PPP6C: variants seen among roughly 807,000 people sequenced by gnomAD.
PPP6C encodes the protein protein phosphatase 6 catalytic subunit, also known as serine/threonine-protein phosphatase 6 catalytic subunit.
In PPP6C, 11 loss-of-function variants were observed where a neutral mutation model predicts 39.8. The ratio of observed to expected loss-of-function variants is 0.28; its 90% CI spans 0.17 to 0.46. The LOEUF (loss-of-function observed/expected upper bound fraction) is 0.46, where lower values mean the gene tolerates loss of function less well. PPP6C is among the 20% of genes least tolerant of loss of function. PPP6C has a pLI of 1.00. For synonymous variants in PPP6C, 129 were observed against 130.3 expected, an observed-to-expected ratio of 0.99 and a Z score of 0.07; for missense variants, 211 against 373.9, an observed-to-expected ratio of 0.56 and a Z score of 3.59.
chr9:125,158,226 A>C lies in PPP6C; in HGVS notation c.379+15T>G, dbSNP rs774299801. 2 of 1,587,302 alleles carry C rather than the reference A, an allele frequency of 1.3e-6. No individual in the cohort carries two copies. The highest frequency in any genetic ancestry group is 1.7e-6 in the Non-Finnish European group (2 of 1,159,766). Reference sequence around the variant, plus strand: ...GTAAAATAATATTCAGAATCAGAGAAATAGGAATTCTTACCATAAAATCCA... The same window carrying C: ...GTAAAATAATATTCAGAATCAGAGACATAGGAATTCTTACCATAAAATCCA... On this transcript the variant is annotated intron_variant, in intron 4 of 6. Transcript: ENST00000373547.
At chr9:125,172,747 AC>A (rs1217201914) in intron 1 of PPP6C, among the ~76,000 whole-genome samples, 38 of 144,312 alleles carry the variant, frequency 2.6e-4, no homozygotes, top group African/African-American at 1.1e-3. Context: ...ACACACACAC[AC>A]ACAAACACAC....
intron 2 of PPP6C, among the ~76,000 whole-genome samples, chr9:125,169,343 C>T (rs957369932): frequency 6.6e-6 from 1 of 152,188 alleles, no homozygotes; most frequent in Non-Finnish European, 1.5e-5. Flanking sequence ...AAGAACTGCA[C>T]ATTTGACTGA....
intron 6 of PPP6C, chr9:125,151,529 G>A: frequency 1.2e-6 from 1 of 804,654 alleles, no homozygotes; most frequent in South Asian, 1.4e-5. Flanking sequence ...CCTTGCAGAA[G>A]CCATCAGGAA....
chr9:125,183,435 A>G (rs1829459773), intron 1 of PPP6C, among the ~76,000 whole-genome samples: 1 of 152,228 alleles, frequency 6.6e-6, no homozygotes, highest in Non-Finnish European at 1.5e-5. Flanking sequence ...TATCCCTGTA[A>G]TAATTTTCTT....
At chr9:125,158,469 T>C in intron 3 of PPP6C, 87 bp from the exon 4 acceptor site, 1 of 1,307,110 alleles carries the variant, frequency 7.7e-7, no homozygotes, top group Non-Finnish European at 1.0e-6. Flanking sequence ...ACATATAGTT[T>C]ATAACTACAA....
chr9:125,179,582 C>T (rs1048645751), intron 1 of PPP6C, among the ~76,000 whole-genome samples: 17 of 152,034 alleles, frequency 1.1e-4, no homozygotes, highest in East Asian at 3.9e-4. Flanking sequence ...TTTCTGTTCA[C>T]TCAGTCAAGA....
Position 125,179,357 on chromosome 9 carries a change from T to C in PPP6C, c.76-8177A>G, listed in dbSNP as rs377415155. Among the ~76,000 whole-genome samples, 7 of 152,370 alleles carry C rather than the reference T, an allele frequency of 4.6e-5. No individual in the cohort carries two copies. In the South Asian group the frequency reaches 1.2e-3, roughly 27 times the overall value. On this transcript the variant is annotated intron_variant, in intron 1 of 6. Coordinates refer to ENST00000373547, the MANE Select transcript of PPP6C (RefSeq NM_002721.5). ...ACAAAGCAAAAGCTTTTAATTTTAA[T>C]GAAGTCTGGCTTATCAACTATTTCT...
chr9:125,158,941 G>A (rs573069417), intron 3 of PPP6C, among the ~76,000 whole-genome samples: 34 of 151,356 alleles, frequency 2.2e-4, no homozygotes, highest in Non-Finnish European at 4.3e-4. Context: ...TGGGATTATA[G>A]ATGTGAGCCA....
chr9:125,151,597 T>C, intron 6 of PPP6C: 1 of 755,160 alleles, frequency 1.3e-6, no homozygotes, highest in East Asian at 3.0e-5. Context: ...TATAATACAG[T>C]AACTTCTGAG....
intron 4 of PPP6C, among the ~76,000 whole-genome samples, chr9:125,156,331 T>C (rs974618892): frequency 6.6e-6 from 1 of 152,312 alleles, no homozygotes; most frequent in South Asian, 2.1e-4. Flanking sequence ...TGGAGTGCAA[T>C]GGTGCAATCT....
chr9:125,167,347 C>T (rs1004040319), intron 2 of PPP6C, among the ~76,000 whole-genome samples: 1 of 134,136 alleles, frequency 7.5e-6, no homozygotes, highest in African/African-American at 2.9e-5. Flanking sequence ...CACCACTGCA[C>T]TCCAGCTTGG....
At chr9:125,183,036 A>C (rs183115619) in intron 1 of PPP6C, among the ~76,000 whole-genome samples, 13 of 152,208 alleles carry the variant, frequency 8.5e-5, no homozygotes, top group Non-Finnish European at 1.5e-4. Context: ...ATATGGCCCA[A>C]ACCAAACTTC....
chr9:125,171,335 T>G (rs1588287858), intron 1 of PPP6C, among the ~76,000 whole-genome samples, 155 bp from the exon 2 acceptor site: 1 of 151,738 alleles, frequency 6.6e-6, no homozygotes, highest in African/African-American at 2.4e-5. Context: ...GTTGGATTTC[T>G]GTCAGCTGTC....
In PPP6C at chr9:125,153,672, C is replaced by A. The variant is rs1327194838; in HGVS notation, c.530G>T (p.Arg177Leu). 1 of 1,614,084 alleles carries A rather than the reference C, an allele frequency of 6.2e-7. No individual in the cohort carries two copies. Among genetic ancestry groups the A allele is most frequent in the Admixed American group, 1.7e-5 (1 of 59,998 alleles). Residue 177 changes from arginine to leucine, a missense_variant, in exon 6 of 7, where the codon CGA becomes CTA. By Grantham distance (102) the Arg-to-Leu change is moderately radical. This residue lies in a region of PPP6C where 168 missense variants were observed against 342.6 expected (regional missense o/e 0.49). Coordinates refer to ENST00000373547, the MANE Select transcript of PPP6C (RefSeq NM_002721.5). ...SPDIKTLDQI[R>L]TIERNQEIPH... ...AATTTCCTGATTCCGTTCGATGGTT[C>A]GAATTTGATCCAGTGTTTTGATATC...
chr9:125,170,262 A>C (rs1342069051), intron 2 of PPP6C, among the ~76,000 whole-genome samples: 1 of 149,564 alleles, frequency 6.7e-6, no homozygotes, highest in African/African-American at 2.5e-5. Flanking sequence ...TTTTAGACAG[A>C]GTCTTGCTCT....
rs961005974 is a variant in PPP6C, at chr9:125,172,467, A to C, written c.76-1287T>G. Among the ~76,000 whole-genome samples the C allele has an allele frequency of 2.0e-5, 3 of 152,114 alleles. No homozygotes were observed. The South Asian group carries it at 6.2e-4, about 32-fold the overall frequency. Reference sequence around the variant, plus strand: ...GGTGATCTGCCCGCTTCGGCCTCCCAAAGTGGTGGGATTACAGGCATTGAG... The same window carrying C: ...GGTGATCTGCCCGCTTCGGCCTCCCCAAGTGGTGGGATTACAGGCATTGAG... On this transcript the variant is annotated intron_variant, in intron 1 of 6. Transcript: ENST00000373547.
chr9:125,151,197 G>C, intron 6 of PPP6C: 1 of 1,499,472 alleles, frequency 6.7e-7, no homozygotes, highest in Non-Finnish European at 9.3e-7. Context: ...CAGACAGGCT[G>C]AATGTGGACT....
intron 6 of PPP6C, chr9:125,151,263 A>T: frequency 1.3e-6 from 2 of 1,500,296 alleles, no homozygotes; most frequent in Non-Finnish European, 1.9e-6. Flanking sequence ...CTTGTGGGAG[A>T]TGTGAAGGAT....
chr9:125,171,969 A>T (rs1260501151), intron 1 of PPP6C: 1 of 467,274 alleles, frequency 2.1e-6, no homozygotes, highest in Admixed American at 2.4e-5. Context: ...GTATATAAAT[A>T]CTCGCAGAAG....
Sources: gnomAD v4.1 joint callset for allele counts (sites outside exome capture counted in the v4.1 genomes callset) on GRCh38, gnomAD v4.1.1 for gene constraint, gnomAD v4.1.1 regional missense constraint, MANE v1.5 for transcripts, NCBI Gene and HGNC (gene_info 2026-07-23, HGNC 2026-07-21) for gene names.